SLC12A1: variants seen among roughly 807,000 people sequenced by gnomAD.
The protein encoded by SLC12A1 is Na-K-2Cl cotransporter.
SLC12A1 carries 89 observed loss-of-function variants against 130.4 expected under a neutral mutation model. That is an observed-to-expected ratio of 0.68 (90% CI 0.58 to 0.81). The LOEUF is 0.81. SLC12A1 is among the 40% of genes least tolerant of loss of function. The probability of loss-of-function intolerance (pLI) is 0.00; values close to 1 mark genes in which losing one functional copy is unlikely to be tolerated. For synonymous variants in SLC12A1, 499 were observed against 460.0 expected (o/e 1.08, Z -1.09); for missense variants, 1,310 against 1,336.4 (o/e 0.98, Z 0.31).
intron 12 of SLC12A1, 140 bp from the exon 13 acceptor site, chr15:48,247,197 G>C (rs1804211001): frequency 2.1e-6 from 2 of 947,328 alleles, no homozygotes; most frequent in African/African-American, 1.7e-5. Flanking sequence ...ATAATATAAA[G>C]AATGATAAAC....
At chr15:48,291,312 ATATAT>A (rs952484536) in intron 23 of SLC12A1, among the ~76,000 whole-genome samples, 2 of 149,792 alleles carry the variant, frequency 1.3e-5, no homozygotes, top group Non-Finnish European at 3.0e-5. Flanking sequence ...TAATATGTTT[ATATAT>A]TATATAATTT....
intron 19 of SLC12A1, among the ~76,000 whole-genome samples, chr15:48,273,731 C>T (rs1341348702): frequency 2.0e-5 from 3 of 152,104 alleles, no homozygotes; most frequent in African/African-American, 7.2e-5. Flanking sequence ...AATGAAAATT[C>T]AGACTTACCT....
chr15:48,246,658 G>T (rs1311100332), intron 11 of SLC12A1, among the ~76,000 whole-genome samples: 1 of 152,144 alleles, frequency 6.6e-6, no homozygotes, highest in East Asian at 1.9e-4. Flanking sequence ...GCAGGTGCCT[G>T]TAATCCCAGC....
intron 20 of SLC12A1, among the ~76,000 whole-genome samples, chr15:48,277,808 G>A (rs2041969410): frequency 6.6e-6 from 1 of 152,206 alleles, no homozygotes; most frequent in Non-Finnish European, 1.5e-5. Flanking sequence ...ATTTTCTGAT[G>A]CAACCATTCT....
intron 4 of SLC12A1, chr15:48,222,617 T>C (rs1679937669): frequency 1.3e-5 from 2 of 152,286 alleles, no homozygotes; most frequent in South Asian, 4.1e-4. Flanking sequence ...CTTTTTTTAA[T>C]TCTCGGAAGA....
chr15:48,282,102 G>A (rs868320080), intron 20 of SLC12A1, among the ~76,000 whole-genome samples: 1 of 152,290 alleles, frequency 6.6e-6, no homozygotes, highest in Non-Finnish European at 1.5e-5. Context: ...GAATTAACTT[G>A]AATAAGAACT....
chr15:48,298,566 TTGC>T (rs2042200664), intron 24 of SLC12A1, among the ~76,000 whole-genome samples: 1 of 152,232 alleles, frequency 6.6e-6, no homozygotes, highest in Admixed American at 6.5e-5. Context: ...GGAGCATTAT[TTGC>T]AGAAAACGTC....
chr15:48,269,613 C>A, intron 18 of SLC12A1, 45 bp from the exon 19 acceptor site: 1 of 990,586 alleles, frequency 1.0e-6, no homozygotes, highest in South Asian at 1.4e-5. Flanking sequence ...ATGGTAGTTT[C>A]CCAGTACGGT....
chr15:48,252,080 G>A (rs950976880), intron 15 of SLC12A1, among the ~76,000 whole-genome samples: 3 of 151,996 alleles, frequency 2.0e-5, no homozygotes, highest in African/African-American at 4.8e-5. Flanking sequence ...GCGGGCCCCT[G>A]TAATCTCAGC....
intron 20 of SLC12A1, among the ~76,000 whole-genome samples, chr15:48,277,302 C>G (rs1429319095): frequency 1.3e-5 from 2 of 150,114 alleles, no homozygotes; most frequent in Non-Finnish European, 3.0e-5. Flanking sequence ...TGGCCTGAAA[C>G]ATAAAAAAAT....
intron 20 of SLC12A1, among the ~76,000 whole-genome samples, chr15:48,278,794 C>G (rs1344414226): frequency 6.6e-6 from 1 of 152,172 alleles, no homozygotes; most frequent in Non-Finnish European, 1.5e-5. Context: ...TCTCTTCAAG[C>G]TGAAAGATGT....
chr15:48,244,756 C>T lies in SLC12A1; in HGVS notation c.1304C>T (p.Ala435Val). The T allele has an allele frequency of 1.9e-6, 3 of 1,613,818 alleles. No homozygotes were observed. The highest frequency in any genetic ancestry group is 2.5e-6 in the Non-Finnish European group (3 of 1,179,812). Residue 435 changes from alanine (A) to valine (V), a missense_variant, in exon 11 of 27, where the codon GCC (alanine) becomes GTC (valine). Ala to Val is a moderately conservative substitution (Grantham distance 64, BLOSUM62 0). Transcript: ENST00000380993. ...AYLGVAICVG[A>V]CVVRDATGNM... is the part of the protein sequence containing the mutation. ...CAAGCCACGGTTGTTTCCACAGGGG[C>T]CTGTGTGGTCCGAGATGCCACCGGG... is the stretch of plus-strand genomic sequence containing the variant.
intron 16 of SLC12A1, among the ~76,000 whole-genome samples, chr15:48,256,701 A>C (rs2041710585): frequency 6.6e-6 from 1 of 151,164 alleles, no homozygotes; most frequent in Admixed American, 6.6e-5. Flanking sequence ...GGAAAAACCC[A>C]CCCCCATGAT....
intron 20 of SLC12A1, among the ~76,000 whole-genome samples, chr15:48,278,868 T>G (rs1204700582): frequency 6.6e-6 from 1 of 152,198 alleles, no homozygotes; most frequent in Non-Finnish European, 1.5e-5. Flanking sequence ...CACCATCAAT[T>G]TACTTCTATA....
chr15:48,233,565 T>C (rs2041404424), intron 8 of SLC12A1, among the ~76,000 whole-genome samples: 1 of 152,224 alleles, frequency 6.6e-6, no homozygotes. Context: ...GCATGAAATT[T>C]GACTTCTTTC....
At chr15:48,255,753 C>A in intron 15 of SLC12A1, 58 bp from the exon 16 acceptor site, 1 of 1,041,246 alleles carries the variant, frequency 9.6e-7, no homozygotes, top group South Asian at 1.5e-5. Context: ...TAAAATTATT[C>A]ATGGTGCACA....
intron 2 of SLC12A1, among the ~76,000 whole-genome samples, chr15:48,209,555 GAGA>G (rs1214489393): frequency 6.6e-6 from 1 of 152,168 alleles, no homozygotes; most frequent in African/African-American, 2.4e-5. Flanking sequence ...AAGTTTTGAG[GAGA>G]AGAAAATGAT....
At position 48,285,748 on chromosome 15, in the gene SLC12A1, C is replaced by T. The variant is rs116143931; in HGVS notation, c.2629+499C>T. 3.4e-3 allele frequency among the ~76,000 whole-genome samples: 514 copies of T among 152,326 alleles called. 4 individuals are homozygous for T. Among genetic ancestry groups the T allele is most frequent in the African/African-American group, 0.012 (499 of 41,568 alleles). On this transcript the variant is annotated intron_variant, in intron 21 of 26. Transcript: ENST00000380993. ...TTAGAACTTTATTGGTACTCACTAC[C>T]TGTAGATTTCATCTAAATGCTACAC...
At chr15:48,302,429 G>A (rs1597466167) in intron 26 of SLC12A1, among the ~76,000 whole-genome samples, 1 of 151,074 alleles carries the variant, frequency 6.6e-6, no homozygotes, top group African/African-American at 2.4e-5. Flanking sequence ...GACCATCCTG[G>A]CTAACAAGGT....
Sources: gnomAD v4.1 joint callset for allele counts (sites outside exome capture counted in the v4.1 genomes callset) on GRCh38, gnomAD v4.1.1 for gene constraint, MANE v1.5 for transcripts, NCBI Gene and HGNC (gene_info 2026-07-23, HGNC 2026-07-21) for gene names.